ARHGAP19: variants seen among roughly 807,000 people sequenced by gnomAD.
The protein encoded by ARHGAP19 is rho GTPase-activating protein 19.
A neutral mutation model predicts 60.9 loss-of-function variants in ARHGAP19; 48 were observed. That is an observed-to-expected ratio of 0.79 (90% CI 0.62 to 1.00). The LOEUF (loss-of-function observed/expected upper bound fraction) is 1.00, where lower values mean the gene tolerates loss of function less well. Among genes scored for constraint, ARHGAP19 ranks in the 50% least tolerant of loss-of-function variants. ARHGAP19 has a pLI of 0.00. For synonymous variants in ARHGAP19, 209 were observed against 215.5 expected (o/e 0.97, Z 0.27); for missense variants, 562 against 597.2 (o/e 0.94, Z 0.61).
chr10:97,270,789 T>C, intron 1 of ARHGAP19: 1 of 812,318 alleles, frequency 1.2e-6, no homozygotes, highest in Non-Finnish European at 1.8e-6. Context: ...CTTAGGACTC[T>C]GAGCACTCAT....
At chr10:97,248,366 A>C (rs1053462365) in intron 6 of ARHGAP19, among the ~76,000 whole-genome samples, 2 of 152,050 alleles carry the variant, frequency 1.3e-5, no homozygotes, top group African/African-American at 2.4e-5. Context: ...GTGAGCCCAG[A>C]TCGTGCTACT....
intron 10 of ARHGAP19, 86 bp downstream of exon 10, chr10:97,229,678 C>G: frequency 1.0e-6 from 1 of 998,738 alleles, no homozygotes; most frequent in Middle Eastern, 2.1e-4. Context: ...CAAAGAAACA[C>G]AGTAAAACAG....
chr10:97,253,727 C>T (rs966817852), intron 6 of ARHGAP19, among the ~76,000 whole-genome samples: 2 of 152,072 alleles, frequency 1.3e-5, no homozygotes, highest in African/African-American at 4.8e-5. Context: ...CACATTCAAT[C>T]CAAGTAACAA....
At chr10:97,231,059 C>CAAAAAAAAAAAAAAAAAAA (rs869291841) in intron 9 of ARHGAP19, among the ~76,000 whole-genome samples, 10 of 59,764 alleles carry the variant, frequency 1.7e-4, no homozygotes, top group South Asian at 9.5e-4. Flanking sequence ...CTTGTCTCAC[C>CAAAAAAAAAAAAAAAAAAA]AAAAAAAAAA....
chr10:97,263,851 T>C (rs1355020722), intron 3 of ARHGAP19, among the ~76,000 whole-genome samples: 2 of 152,160 alleles, frequency 1.3e-5, no homozygotes, highest in Admixed American at 6.5e-5. Flanking sequence ...AACTAAAAGG[T>C]AGTCCTCCTG....
At chr10:97,234,877 CA>C (rs1229944813) in intron 9 of ARHGAP19, among the ~76,000 whole-genome samples, 1 of 152,066 alleles carries the variant, frequency 6.6e-6, no homozygotes, top group Non-Finnish European at 1.5e-5. Context: ...ACAGGTTTAC[CA>C]AATTGCATAA....
intron 2 of ARHGAP19, 27 bp from the exon 3 acceptor site, chr10:97,264,933 C>T (rs1488842222): frequency 1.3e-6 from 2 of 1,515,364 alleles, no homozygotes; most frequent in East Asian, 4.5e-5. Flanking sequence ...TATGACAGGG[C>T]TATATTTCAC....
chr10:97,263,998 T>G (rs191719924), intron 3 of ARHGAP19, among the ~76,000 whole-genome samples: 1 of 152,188 alleles, frequency 6.6e-6, no homozygotes, highest in Admixed American at 6.5e-5. Flanking sequence ...CAGACTTCGT[T>G]TGGAGGGGCT....
intron 2 of ARHGAP19, 35 bp downstream of exon 2, chr10:97,265,825 G>A (rs752681486): frequency 5.9e-5 from 95 of 1,603,602 alleles, no homozygotes; most frequent in Non-Finnish European, 8.1e-5. Flanking sequence ...GGGAGCAGCT[G>A]AGGCCTGCCC....
At position 97,230,008 on chromosome 10, in the gene ARHGAP19, T is replaced by A. The variant is rs544106461; in HGVS notation, c.1285-134A>T. 61 of 637,138 alleles carry A rather than the reference T, an allele frequency of 9.6e-5. No individual in the cohort carries two copies. In the South Asian group the frequency reaches 1.2e-3, roughly 13 times the overall value. The allele number at this position is 637,138 out of a possible 1,614,324, so 39.5% of individuals were successfully genotyped here. On this transcript the variant is annotated intron_variant, in intron 9 of 11. Transcript: ENST00000358531. Reference sequence around the variant, plus strand: ...TTCTGATAATCCTGTATGGACCCTCTCAGGCCATCTTATACAAGAGAGGCC... The same window carrying A: ...TTCTGATAATCCTGTATGGACCCTCACAGGCCATCTTATACAAGAGAGGCC...
chr10:97,285,932 T>G (rs1394195572), intron 1 of ARHGAP19, among the ~76,000 whole-genome samples: 1 of 152,258 alleles, frequency 6.6e-6, no homozygotes, highest in Non-Finnish European at 1.5e-5. Flanking sequence ...CAATATCTGC[T>G]TTGCTTTATG....
chr10:97,284,616 C>T (rs1843129416), intron 1 of ARHGAP19, among the ~76,000 whole-genome samples: 1 of 152,070 alleles, frequency 6.6e-6, no homozygotes, highest in African/African-American at 2.4e-5. Context: ...AGCAATCCTC[C>T]TGCCTCGGCC....
rs977084137 is a variant in ARHGAP19, at chr10:97,229,703, A to G, written c.1395+61T>C. 1.6e-5 allele frequency: 21 copies of G among 1,277,702 alleles called. No individual in the cohort carries two copies. The African/African-American group carries it at 1.8e-4, about 11-fold the overall frequency. The allele number at this position is 1,277,702 out of a possible 1,614,324, so 79.1% of individuals were successfully genotyped here. On this transcript the variant is annotated intron_variant, in intron 10 of 11. Coordinates refer to ENST00000358531, the MANE Select transcript of ARHGAP19 (RefSeq NM_032900.6). ...CAGTAAAACAGATGACAGTATATCA[A>G]TTTTCCTCTTTTCTACAAATATATA...
At chr10:97,291,326 T>G (rs1843228906) in intron 1 of ARHGAP19, among the ~76,000 whole-genome samples, 1 of 152,144 alleles carries the variant, frequency 6.6e-6, no homozygotes, top group Admixed American at 6.6e-5. Flanking sequence ...TATTTTATTT[T>G]ATTTATTTAT....
At chr10:97,257,978 T>C (rs1176933309) in intron 5 of ARHGAP19, among the ~76,000 whole-genome samples, 1 of 152,196 alleles carries the variant, frequency 6.6e-6, no homozygotes, top group Non-Finnish European at 1.5e-5. Context: ...TGACGTTAAG[T>C]GAACCGACAT....
intron 1 of ARHGAP19, among the ~76,000 whole-genome samples, chr10:97,282,189 G>A (rs542039542): frequency 6.6e-6 from 1 of 152,262 alleles, no homozygotes; most frequent in Admixed American, 6.5e-5. Context: ...ATGAATCCAA[G>A]CAAAGGCCCA....
chr10:97,239,544 GA>G lies in ARHGAP19; in HGVS notation c.1186-4230del, dbSNP rs1217416661. The stretch of plus-strand genomic sequence containing the variant: ...TAAGAAAAAGGGAGTGAGAGAGAGA[GA>G]GAGAGGGTGTGTGTGTGTGTGTGTG... On this transcript the variant is annotated intron_variant, in intron 8 of 11. Coordinates refer to ENST00000358531, the MANE Select transcript of ARHGAP19 (RefSeq NM_032900.6). Among the ~76,000 whole-genome samples, 66 of 123,598 alleles carry G rather than the reference GA, an allele frequency of 5.3e-4. 3 individuals carry two copies. Among genetic ancestry groups the G allele is most frequent in the East Asian group, 3.5e-3 (13 of 3,762 alleles). The allele number at this position is 123,598 out of a possible 152,430, so 81.1% of individuals were successfully genotyped here.
At position 97,286,052 on chromosome 10, in the gene ARHGAP19, T is replaced by C. The variant is rs1342129035; in HGVS notation, c.56+6520A>G. Among the ~76,000 whole-genome samples, 3 of 152,296 alleles carry C rather than the reference T, an allele frequency of 2.0e-5. No individual in the cohort carries two copies. The East Asian group carries it at 5.8e-4, about 29-fold the overall frequency. ...TATTTACAAATATGATCAAACTCTC[T>C]AAACCTGATCATTGATAAAATGTAA... On this transcript the variant is annotated intron_variant, in intron 1 of 11. Coordinates refer to ENST00000358531, the MANE Select transcript of ARHGAP19 (RefSeq NM_032900.6).
At chr10:97,274,292 C>T (rs563497219) in intron 1 of ARHGAP19, among the ~76,000 whole-genome samples, 5 of 152,028 alleles carry the variant, frequency 3.3e-5, no homozygotes, top group African/African-American at 7.2e-5. Context: ...GGTGAAACCC[C>T]GTCTCTACTA....
Sources: gnomAD v4.1 joint callset for allele counts (sites outside exome capture counted in the v4.1 genomes callset) on GRCh38, gnomAD v4.1.1 for gene constraint, MANE v1.5 for transcripts, NCBI Gene and HGNC (gene_info 2026-07-23, HGNC 2026-07-21) for gene names.